ZFHX3: variants seen among roughly 807,000 people sequenced by gnomAD.
ZFHX3 encodes zinc finger homeobox protein 3.
A neutral mutation model predicts 279.1 loss-of-function variants in ZFHX3; 42 were observed. The observed-to-expected ratio is 0.15, with a 90% CI of 0.12 to 0.19. The LOEUF (loss-of-function observed/expected upper bound fraction) is 0.19. Ranked by LOEUF, ZFHX3 falls within the 10% of genes least tolerant of loss-of-function variation. The pLI is 1.00. For synonymous variants in ZFHX3, 2,293 were observed against 1,957.8 expected (o/e 1.17, Z -4.52); for missense variants, 4,981 against 4,754.0 (o/e 1.05, Z -1.40).
At chr16:73,527,211 T>A (rs1188126971) in intron 2 of ZFHX3, among the ~76,000 whole-genome samples, 2 of 152,176 alleles carry the variant, frequency 1.3e-5, no homozygotes, top group African/African-American at 4.8e-5. Context: ...CATCAACGTC[T>A]ATTCAAAAGA....
At chr16:72,893,967 T>A (rs2038833117) in intron 3 of ZFHX3, among the ~76,000 whole-genome samples, 1 of 151,970 alleles carries the variant, frequency 6.6e-6, no homozygotes, top group Non-Finnish European at 1.5e-5. Flanking sequence ...CTGGCCAACA[T>A]GATGAAACCC....
At chr16:73,426,117 C>G (rs773435849) in intron 3 of ZFHX3, among the ~76,000 whole-genome samples, 2 of 152,180 alleles carry the variant, frequency 1.3e-5, no homozygotes, top group Admixed American at 6.5e-5. Flanking sequence ...GTGCACTGGG[C>G]CGCCCATGAG....
intron 5 of ZFHX3, among the ~76,000 whole-genome samples, chr16:72,812,921 A>T (rs994704818): frequency 6.6e-6 from 1 of 152,172 alleles, no homozygotes; most frequent in East Asian, 1.9e-4. Context: ...TTTAACCCCA[A>T]TCAGTAGGCA....
chr16:73,256,797 A>T (rs973233779), intron 5 of ZFHX3, among the ~76,000 whole-genome samples: 1 of 152,244 alleles, frequency 6.6e-6, no homozygotes, highest in African/African-American at 2.4e-5. Context: ...ACATTTAATC[A>T]TAGTGCCCTT....
chr16:73,888,500 G>A (rs1038756742), intron 1 of ZFHX3, among the ~76,000 whole-genome samples: 14 of 152,168 alleles, frequency 9.2e-5, no homozygotes, highest in Non-Finnish European at 2.9e-5. Flanking sequence ...AGGAGAAAAG[G>A]TAAATAGGAT....
rs929643111 is a variant in ZFHX3, at chr16:73,695,551, T to C, written c.-1607-15311A>G. ...GATTCAAAGTGAGGTTTTCTGGCGT[T>C]GAGTCCAGGTCTTTCTCTAGAAAAG... On this transcript the variant is annotated intron_variant, in intron 1 of 17. Transcript: ENST00000641206. Among the ~76,000 whole-genome samples the C allele has an allele frequency of 3.3e-5, 5 of 152,200 alleles. No homozygotes were observed. In the East Asian group the frequency reaches 9.6e-4, roughly 29 times the overall value.
chr16:73,869,941 C>A (rs750639012), intron 1 of ZFHX3, among the ~76,000 whole-genome samples: 5 of 152,220 alleles, frequency 3.3e-5, no homozygotes, highest in Admixed American at 3.3e-4. Context: ...AATAAACATT[C>A]ATTTCATTCA....
chr16:73,479,849 T>C (rs1234160794), intron 2 of ZFHX3, among the ~76,000 whole-genome samples: 1 of 152,204 alleles, frequency 6.6e-6, no homozygotes, highest in Non-Finnish European at 1.5e-5. Context: ...TCAGGTCCAT[T>C]ATCCTATTAA....
chr16:73,684,999 C>CA (rs759795891), intron 1 of ZFHX3, among the ~76,000 whole-genome samples: 1 of 136,720 alleles, frequency 7.3e-6, no homozygotes. Context: ...GTGCCAGGCC[C>CA]AACAAGGGTC....
At chr16:73,020,925 C>G (rs1387109422) in intron 1 of ZFHX3, among the ~76,000 whole-genome samples, 8 of 152,100 alleles carry the variant, frequency 5.3e-5, no homozygotes, top group African/African-American at 1.9e-4. Context: ...TCGATGATCC[C>G]CCAAAGCCAT....
At chr16:73,547,981 T>A (rs2020148910) in intron 2 of ZFHX3, among the ~76,000 whole-genome samples, 1 of 152,248 alleles carries the variant, frequency 6.6e-6, no homozygotes, top group South Asian at 2.1e-4. Context: ...TGCTTTAGCA[T>A]CTGAAAACTT....
At chr16:73,353,988 A>T (rs2016292553) in intron 3 of ZFHX3, among the ~76,000 whole-genome samples, 1 of 152,180 alleles carries the variant, frequency 6.6e-6, no homozygotes, top group Non-Finnish European at 1.5e-5. Flanking sequence ...TTATTACTAC[A>T]AATCTCACTC....
At chr16:73,181,097 T>A (rs1426507685) in intron 5 of ZFHX3, among the ~76,000 whole-genome samples, 2 of 132,078 alleles carry the variant, frequency 1.5e-5, no homozygotes, top group African/African-American at 5.9e-5. Flanking sequence ...TTTGTTTTGT[T>A]TTGTTTTGTT....
intron 4 of ZFHX3, among the ~76,000 whole-genome samples, chr16:72,842,963 T>A (rs971353865): frequency 1.3e-5 from 2 of 152,128 alleles, no homozygotes; most frequent in African/African-American, 4.8e-5. Flanking sequence ...CTGGATACAA[T>A]TAGGATGGCA....
At chr16:73,258,596 C>T (rs138991825) in intron 4 of ZFHX3, among the ~76,000 whole-genome samples, 2,183 of 152,178 alleles carry the variant, frequency 0.014, 51 homozygotes, top group African/African-American at 0.05. Context: ...GATCCGCCCA[C>T]CTCAGCCTCC....
chr16:72,857,684 C>G (rs920397001), intron 4 of ZFHX3, among the ~76,000 whole-genome samples: 4 of 149,730 alleles, frequency 2.7e-5, no homozygotes, highest in African/African-American at 1.0e-4. Context: ...GATCCTGTCT[C>G]TGTAATTGAC....
At chr16:73,413,354 A>G (rs7202900) in intron 3 of ZFHX3, among the ~76,000 whole-genome samples, 61,499 of 152,002 alleles carry the variant, frequency 0.4, 12,714 homozygotes, top group Middle Eastern at 0.56. Context: ...TGACCTGTAC[A>G]TAAGGGAGTG....
chr16:73,109,989 C>G (rs1450460332), intron 7 of ZFHX3, among the ~76,000 whole-genome samples: 1 of 152,026 alleles, frequency 6.6e-6, no homozygotes, highest in East Asian at 1.9e-4. Context: ...GCCTGTAATC[C>G]CAGCACTTTG....
chr16:72,964,692 A>C (rs1040522236), intron 1 of ZFHX3, among the ~76,000 whole-genome samples: 2 of 151,430 alleles, frequency 1.3e-5, no homozygotes. Context: ...AAGGAAAAAA[A>C]TTGAAAACCA....
Sources: gnomAD v4.1 joint callset for allele counts (sites outside exome capture counted in the v4.1 genomes callset) on GRCh38, gnomAD v4.1.1 for gene constraint, MANE v1.5 for transcripts, NCBI Gene and HGNC (gene_info 2026-07-23, HGNC 2026-07-21) for gene names.